ARHGEF33: variants seen among roughly 807,000 people sequenced by gnomAD.
ARHGEF33 encodes DH and coiled-coil domain-containing protein ENSP00000381780.
A neutral mutation model predicts 101.9 loss-of-function variants in ARHGEF33; 72 were observed. The ratio of observed to expected loss-of-function variants is 0.71; its 90% CI spans 0.58 to 0.86. ARHGEF33 has a LOEUF of 0.86. Among genes scored for constraint, ARHGEF33 ranks in the 40% least tolerant of loss-of-function variants. ARHGEF33 has a pLI of 0.00. For missense variants in ARHGEF33, 1,169 were observed against 1,111.3 expected (o/e 1.05, Z -0.74); for synonymous variants, 499 against 442.5 (o/e 1.13, Z -1.60).
At chr2:38,890,049 G>T in intron 1 of ARHGEF33, 63 bp downstream of exon 1, 1 of 363,302 alleles carries the variant, frequency 2.8e-6, no homozygotes. Context: ...TATAAGAGAT[G>T]AAAACCCATC....
Position 38,929,694 on chromosome 2 carries a change from A to T in ARHGEF33, c.241-15A>T. On this transcript the variant is annotated splice_polypyrimidine_tract_variant and intron_variant, in intron 5 of 17. Coordinates refer to ENST00000409978, the MANE Select transcript of ARHGEF33 (RefSeq NM_001145451.5). ...CCATGTACCACGTTAAAACATAGCAATTCTTATTTTTTAGGAAGAGCTGAG... is the reference window on the plus strand; with the variant it reads ...CCATGTACCACGTTAAAACATAGCATTTCTTATTTTTTAGGAAGAGCTGAG... 6.4e-7 allele frequency: 1 copy of T among 1,550,504 alleles called. No individual in the cohort carries two copies. Among genetic ancestry groups the T allele is most frequent in the African/African-American group, 1.4e-5 (1 of 73,098 alleles).
intron 12 of ARHGEF33, among the ~76,000 whole-genome samples, chr2:38,953,480 A>G (rs1475089456): frequency 6.6e-6 from 1 of 152,212 alleles, no homozygotes; most frequent in Non-Finnish European, 1.5e-5. Context: ...GGAACTATAG[A>G]CAAACTATAG....
chr2:38,897,196 G>A (rs1329040306), intron 2 of ARHGEF33, among the ~76,000 whole-genome samples: 1 of 152,136 alleles, frequency 6.6e-6, no homozygotes, highest in Non-Finnish European at 1.5e-5. Flanking sequence ...TTACAGGCGT[G>A]AGCCACCACA....
At chr2:38,892,137 A>G (rs1318500745) in intron 1 of ARHGEF33, among the ~76,000 whole-genome samples, 1 of 152,144 alleles carries the variant, frequency 6.6e-6, no homozygotes, top group Non-Finnish European at 1.5e-5. Flanking sequence ...AATCTCTAGA[A>G]TTTATTTCCT....
rs142920517 is a variant in ARHGEF33, at chr2:38,912,640, G to A, written c.-85-6723G>A. The stretch of plus-strand genomic sequence containing the variant: ...ATGAAAATTACCCTAATAATTGGGG[G>A]AGGGAAAGAAAATGATGACATGTTT... On this transcript the variant is annotated intron_variant, in intron 2 of 17. Transcript: ENST00000409978. Among the ~76,000 whole-genome samples, 409 of 152,222 alleles carry A rather than the reference G, an allele frequency of 2.7e-3. 1 individual carries two copies. The highest frequency in any genetic ancestry group is 0.01 in the Middle Eastern group (3 of 292).
chr2:38,940,484 C>G (rs1010432636), intron 9 of ARHGEF33, among the ~76,000 whole-genome samples: 1 of 151,792 alleles, frequency 6.6e-6, no homozygotes, highest in Non-Finnish European at 1.5e-5. Context: ...TCTGCTTTGG[C>G]CCAATGTACT....
chr2:38,967,713 T>A (rs201612190), intron 17 of ARHGEF33, among the ~76,000 whole-genome samples: 1 of 151,286 alleles, frequency 6.6e-6, no homozygotes, highest in Non-Finnish European at 1.5e-5. Flanking sequence ...GTAGCTGGGA[T>A]TACAGGTGCC....
At chr2:38,955,509 G>C (rs1460806094) in intron 13 of ARHGEF33, among the ~76,000 whole-genome samples, 1 of 12,002 alleles carries the variant, frequency 8.3e-5, no homozygotes, top group Non-Finnish European at 2.3e-4. Flanking sequence ...TTTTTTTTGA[G>C]TCAGGGTCTG....
intron 2 of ARHGEF33, among the ~76,000 whole-genome samples, chr2:38,898,456 G>A (rs934872434): frequency 6.6e-6 from 1 of 152,116 alleles, no homozygotes; most frequent in African/African-American, 2.4e-5. Flanking sequence ...TGTCTTCCAG[G>A]CACTCCAGAT....
intron 7 of ARHGEF33, among the ~76,000 whole-genome samples, chr2:38,934,701 T>C (rs990871858): frequency 8.2e-5 from 12 of 146,374 alleles, no homozygotes; most frequent in African/African-American, 2.5e-4. Context: ...TCTCAGGCAC[T>C]GTTTTAGGTG....
intron 1 of ARHGEF33, among the ~76,000 whole-genome samples, 178 bp from the exon 2 acceptor site, chr2:38,895,599 A>G (rs1666103094): frequency 6.6e-6 from 1 of 152,206 alleles, no homozygotes; most frequent in African/African-American, 2.4e-5. Context: ...AAAGACTAAA[A>G]GAAACAAAGA....
intron 2 of ARHGEF33, among the ~76,000 whole-genome samples, chr2:38,907,860 A>ATTT (rs553491008): frequency 4.6e-4 from 61 of 131,732 alleles, no homozygotes; most frequent in African/African-American, 1.6e-3. Flanking sequence ...CTCTGGGAGG[A>ATTT]TTTTTTTTTT....
intron 2 of ARHGEF33, among the ~76,000 whole-genome samples, chr2:38,896,705 A>C (rs1666131034): frequency 6.6e-6 from 1 of 152,186 alleles, no homozygotes; most frequent in Non-Finnish European, 1.5e-5. Context: ...CTTAAGAAAA[A>C]AGTCTCATAA....
intron 8 of ARHGEF33, 23 bp from the exon 9 acceptor site, chr2:38,937,312 C>CGGGGGGGGGTGG: frequency 1.7e-6 from 1 of 583,332 alleles, no homozygotes; most frequent in Non-Finnish European, 3.0e-6. Flanking sequence ...TTTGTTTCCC[C>CGGGGGGGGGTGG]GCCCCTCCCC....
chr2:38,919,241 T>G (rs760725867), intron 2 of ARHGEF33, 122 bp from the exon 3 acceptor site: 97 of 525,474 alleles, frequency 1.8e-4, no homozygotes, highest in Non-Finnish European at 1.7e-4. Flanking sequence ...ATATTTTTCC[T>G]CTTCTGAAAT....
In ARHGEF33 at chr2:38,937,539, T is replaced by C. The variant is rs1386756144; in HGVS notation, c.770T>C (p.Leu257Ser). The change falls in exon 9 of 18, where the codon TTA becomes TCA. Residue 257 changes from leucine to serine, a missense_variant. Transcript: ENST00000409978. ...AGACACAGCTCCTTGGAAAACGTTT[T>C]ATGTGAAACCTCCTTAGCTGGTAAG... Reference protein sequence around the residue: ...QGRHSSLENVLCETSLAAKRQ... With the variant: ...QGRHSSLENVSCETSLAAKRQ... 16 of 1,543,366 alleles carry C rather than the reference T, an allele frequency of 1.0e-5. No homozygotes were observed. Among genetic ancestry groups the C allele is most frequent in the Non-Finnish European group, 1.4e-5 (16 of 1,140,232 alleles).
intron 2 of ARHGEF33, among the ~76,000 whole-genome samples, chr2:38,909,684 A>G (rs1325464235): frequency 6.8e-6 from 1 of 147,906 alleles, no homozygotes; most frequent in Non-Finnish European, 1.5e-5. Context: ...TGCCACTTTA[A>G]ATTGCTATGT....
Position 38,889,948 on chromosome 2 carries a change from T to G in ARHGEF33, c.-197T>G, listed in dbSNP as rs553616666. On this transcript the variant is annotated 5_prime_UTR_variant, in exon 1 of 18. Transcript: ENST00000409978. ...AGTTAATTCAGAACCCAGATAAGCC[T>G]TGATCTGAGGATGATATAACCACCG... 12 of 470,892 alleles carry G rather than the reference T, an allele frequency of 2.5e-5. No homozygotes were observed. The Admixed American group carries it at 2.8e-4, about 11-fold the overall frequency. 29.2% of individuals were successfully genotyped at this position (470,892 alleles called of 1,614,324 possible).
At chr2:38,957,093 A>G (rs550525875) in intron 14 of ARHGEF33, 46 bp downstream of exon 14, 5 of 1,545,810 alleles carry the variant, frequency 3.2e-6, no homozygotes, top group African/African-American at 2.7e-5. Flanking sequence ...ACCAGTTACT[A>G]TGGGTGTCTT....
Sources: gnomAD v4.1 joint callset for allele counts (sites outside exome capture counted in the v4.1 genomes callset) on GRCh38, gnomAD v4.1.1 for gene constraint, MANE v1.5 for transcripts, NCBI Gene and HGNC (gene_info 2026-07-23, HGNC 2026-07-21) for gene names.